PCDHGA10: variants seen among roughly 807,000 people sequenced by gnomAD.
PCDHGA10 encodes the protein protocadherin gamma subfamily A, 10, also known as protocadherin gamma-A10.
A neutral mutation model predicts 59.5 loss-of-function variants in PCDHGA10; 42 were observed. The ratio of observed to expected loss-of-function variants is 0.71; its 90% CI spans 0.55 to 0.91. PCDHGA10 has a LOEUF of 0.91. Among genes scored for constraint, PCDHGA10 ranks in the 40% least tolerant of loss-of-function variants. The pLI is 0.00. For missense variants in PCDHGA10, 1,111 were observed against 1,198.2 expected, an observed-to-expected ratio of 0.93 and a Z score of 1.07; for synonymous variants, 511 against 517.2, an observed-to-expected ratio of 0.99 and a Z score of 0.16.
chr5:141,439,676 G>A (rs543598257), intron 1 of PCDHGA10, among the ~76,000 whole-genome samples: 27 of 152,292 alleles, frequency 1.8e-4, no homozygotes, highest in Admixed American at 1.0e-3. Flanking sequence ...GCAAATCCAA[G>A]AGCAGACCCA....
At chr5:141,495,591 C>G (rs2099762279) in intron 2 of PCDHGA10, among the ~76,000 whole-genome samples, 3 of 152,222 alleles carry the variant, frequency 2.0e-5, no homozygotes, top group African/African-American at 7.2e-5. Context: ...CCATCTCTGT[C>G]TTAGCTTCCG....
At chr5:141,419,299 C>T in intron 1 of PCDHGA10, 12 of 1,614,048 alleles carry the variant, frequency 7.4e-6, no homozygotes, top group Non-Finnish European at 1.0e-5. Flanking sequence ...CTGACCCAGA[C>T]TTCGGGCTCA....
chr5:141,422,587 CCTCA>C, intron 1 of PCDHGA10: 1 of 1,614,032 alleles, frequency 6.2e-7, no homozygotes, highest in Non-Finnish European at 8.5e-7. Context: ...TCCCGTTTTT[CCTCA>C]CTCCTCTTAC....
At chr5:141,495,400 C>T (rs554849650) in intron 2 of PCDHGA10, among the ~76,000 whole-genome samples, 4 of 152,278 alleles carry the variant, frequency 2.6e-5, no homozygotes, top group Non-Finnish European at 1.5e-5. Flanking sequence ...ATGGAGCAGG[C>T]CCCCTTCTCC....
chr5:141,419,549 T>C, intron 1 of PCDHGA10: 1 of 1,612,006 alleles, frequency 6.2e-7, no homozygotes, highest in Non-Finnish European at 8.5e-7. Context: ...GCGGGTGCTG[T>C]ACCCTGCGCT....
chr5:141,485,106 T>C lies in PCDHGA10; in HGVS notation c.2437-9701T>C, dbSNP rs2099607051. The C allele has an allele frequency of 3.3e-6, 4 of 1,206,448 alleles. No homozygotes were observed. Among genetic ancestry groups the C allele is most frequent in the Non-Finnish European group, 4.8e-6 (4 of 828,284 alleles). 74.7% of individuals were successfully genotyped at this position (1,206,448 alleles called of 1,614,324 possible). ...GGGAGATAGGTGTCTCCAGCTGCTGTGGCTGTTTGGGGCGGGTCGGCTTCA... is the reference window on the plus strand; with the variant it reads ...GGGAGATAGGTGTCTCCAGCTGCTGCGGCTGTTTGGGGCGGGTCGGCTTCA... On this transcript the variant is annotated intron_variant, in intron 1 of 3. Coordinates refer to ENST00000398610, the MANE Select transcript of PCDHGA10 (RefSeq NM_018913.3). This position sits in a 1 kb window ranked among gnomAD's most constrained non-coding sequence, Gnocchi z 5.7.
At chr5:141,480,059 T>G (rs1169389701) in intron 1 of PCDHGA10, among the ~76,000 whole-genome samples, 1 of 152,096 alleles carries the variant, frequency 6.6e-6, no homozygotes, top group African/African-American at 2.4e-5. Context: ...GAATAATAAG[T>G]GTTTTATAAG....
intron 1 of PCDHGA10, among the ~76,000 whole-genome samples, chr5:141,429,812 A>G (rs2097246172): frequency 6.6e-6 from 1 of 152,226 alleles, no homozygotes; most frequent in South Asian, 2.1e-4. Context: ...AGTAATTACA[A>G]TTAGGTCAGT....
chr5:141,508,721 G>A (rs1266581528), intron 3 of PCDHGA10, among the ~76,000 whole-genome samples: 1 of 151,930 alleles, frequency 6.6e-6, no homozygotes, highest in Non-Finnish European at 1.5e-5. Flanking sequence ...TCTGTGTGCA[G>A]GGAGACTACA....
At position 141,432,360 on chromosome 5, in the gene PCDHGA10, C is replaced by T; in HGVS notation, c.2436+16749C>T. On this transcript the variant is annotated intron_variant, in intron 1 of 3. Transcript: ENST00000398610. This position sits in a 1 kb window ranked among gnomAD's most constrained non-coding sequence, Gnocchi z 6.0. Reference sequence around the variant, plus strand: ...CGAGACTTGCAAGTGAAAGTGATGGCGCGGGACAACGGGCACCCGCCCCTC... The same window carrying T: ...CGAGACTTGCAAGTGAAAGTGATGGTGCGGGACAACGGGCACCCGCCCCTC... 1.9e-6 allele frequency: 3 copies of T among 1,614,228 alleles called. No individual in the cohort carries two copies. The highest frequency in any genetic ancestry group is 1.1e-5 in the South Asian group (1 of 91,088).
At chr5:141,433,854 A>T (rs2097660850) in intron 1 of PCDHGA10, among the ~76,000 whole-genome samples, 1 of 151,852 alleles carries the variant, frequency 6.6e-6, no homozygotes, top group African/African-American at 2.4e-5. Context: ...AAAAAAAAAA[A>T]ACTTTATCCT....
intron 1 of PCDHGA10, chr5:141,478,814 C>T (rs1271237848): frequency 6.9e-7 from 1 of 1,451,050 alleles, no homozygotes; most frequent in East Asian, 2.5e-5. Context: ...GCTATCACAA[C>T]TAACCAATCT....
chr5:141,468,464 TC>T (rs2099167734), intron 1 of PCDHGA10: 2 of 152,174 alleles, frequency 1.3e-5, no homozygotes, highest in Admixed American at 1.3e-4. Flanking sequence ...GCAAGTTATT[TC>T]TGAGGAGAAT....
intron 1 of PCDHGA10, chr5:141,433,012 G>A (rs1402902269): frequency 2.5e-6 from 4 of 1,614,054 alleles, no homozygotes; most frequent in Non-Finnish European, 3.4e-6. Flanking sequence ...CTTTCCTGCA[G>A]ACCTATTCCC....
intron 1 of PCDHGA10, among the ~76,000 whole-genome samples, chr5:141,468,782 C>T (rs1280972843): frequency 2.0e-5 from 3 of 151,990 alleles, no homozygotes; most frequent in East Asian, 3.9e-4. Context: ...AGGAGAATGG[C>T]GTGAACCCGG....
chr5:141,445,376 A>T (rs1182418123), intron 1 of PCDHGA10, among the ~76,000 whole-genome samples: 1 of 152,220 alleles, frequency 6.6e-6, no homozygotes, highest in Non-Finnish European at 1.5e-5. Context: ...TGGGTGGTTC[A>T]TTCATTCATT....
At position 141,491,591 on chromosome 5, in the gene PCDHGA10, G is replaced by A. The variant is rs969259993; in HGVS notation, c.2437-3216G>A. 22 of 1,613,862 alleles carry A rather than the reference G, an allele frequency of 1.4e-5. No individual in the cohort carries two copies. The highest frequency in any genetic ancestry group is 1.8e-5 in the Non-Finnish European group (21 of 1,180,048). ...ACGTGCTTTTCACCGGCCTCGGACG[G>A]CAGTGACTTCACTTTTCTAAGACCC... On this transcript the variant is annotated intron_variant, in intron 1 of 3. Coordinates refer to ENST00000398610, the MANE Select transcript of PCDHGA10 (RefSeq NM_018913.3). This position sits in a 1 kb window ranked among gnomAD's most constrained non-coding sequence, Gnocchi z 6.9.
intron 1 of PCDHGA10, among the ~76,000 whole-genome samples, chr5:141,458,102 A>G (rs1314999618): frequency 6.6e-6 from 1 of 152,246 alleles, no homozygotes; most frequent in Admixed American, 6.5e-5. Context: ...GTACTTACAG[A>G]TAGTCTCCAA....
At chr5:141,495,356 C>A (rs889897990) in intron 2 of PCDHGA10, among the ~76,000 whole-genome samples, 3 of 152,222 alleles carry the variant, frequency 2.0e-5, no homozygotes, top group Non-Finnish European at 4.4e-5. Flanking sequence ...GGCAGCACAG[C>A]TGGAGGTGGA....
Sources: gnomAD v4.1 joint callset for allele counts (sites outside exome capture counted in the v4.1 genomes callset) on GRCh38, gnomAD v4.1.1 for gene constraint, Gnocchi (gnomAD v3.1) non-coding constraint, MANE v1.5 for transcripts, NCBI Gene and HGNC (gene_info 2026-07-23, HGNC 2026-07-21) for gene names.